PCDH15: variants seen among roughly 807,000 people sequenced by gnomAD.
PCDH15 encodes the protein protocadherin related 15, also known as protocadherin-15.
In PCDH15, 129 loss-of-function variants were observed where a neutral mutation model predicts 178.5. The ratio of observed to expected loss-of-function variants is 0.72; its 90% CI spans 0.63 to 0.84. PCDH15 has a LOEUF of 0.84. Among genes scored for constraint, PCDH15 ranks in the 40% least tolerant of loss-of-function variants. The pLI is 0.00. For missense variants in PCDH15, 2,230 were observed against 2,099.9 expected (o/e 1.06, Z -1.21); for synonymous variants, 800 against 732.0 (o/e 1.09, Z -1.50).
chr10:55,294,348 G>T lies in PCDH15; in HGVS notation c.-156+25251C>A, dbSNP rs1204139002. ...TAATGCTCTGGATTGCTCACGGTTA[G>T]TTATGGTTATGTATAGCTAGGTGTT... On this transcript the variant is annotated intron_variant, in intron 1 of 5. Coordinates refer to the PCDH15 transcript ENST00000458638. Among the ~76,000 whole-genome samples the T allele has an allele frequency of 3.9e-5, 6 of 152,282 alleles. No individual in the cohort carries two copies. In the Middle Eastern group the frequency reaches 0.01, roughly 259 times the overall value.
intron 2 of PCDH15, among the ~76,000 whole-genome samples, chr10:54,531,920 G>GA (rs1406496090): frequency 6.6e-6 from 1 of 152,022 alleles, no homozygotes; most frequent in African/African-American, 2.4e-5. Context: ...GCATAATTCT[G>GA]CACCAAGCCA....
chr10:54,558,840 C>T (rs2087662886), intron 2 of PCDH15, among the ~76,000 whole-genome samples: 1 of 152,022 alleles, frequency 6.6e-6, no homozygotes, highest in Admixed American at 6.6e-5. Context: ...AAAGACCCCA[C>T]TTCTATTTTT....
At chr10:55,356,709 A>G (rs1845089467) in intron 2 of PCDH15, among the ~76,000 whole-genome samples, 1 of 151,806 alleles carries the variant, frequency 6.6e-6, no homozygotes, top group African/African-American at 2.4e-5. Flanking sequence ...TTTATTAACC[A>G]ATTTAGTTGT....
At chr10:54,391,599 A>C (rs10763105) in intron 3 of PCDH15, among the ~76,000 whole-genome samples, 127,845 of 150,952 alleles carry the variant, frequency 0.85, 54,371 homozygotes, top group East Asian at 0.99. Flanking sequence ...AAAAAAAAAA[A>C]CAACATAATC....
chr10:53,827,647 C>T lies in PCDH15; in HGVS notation c.4212-99G>A, dbSNP rs1234068209. 6.5e-6 allele frequency: 9 copies of T among 1,378,822 alleles called. No homozygotes were observed. In the Admixed American group the frequency reaches 1.7e-4, roughly 26 times the overall value. 85.4% of individuals were successfully genotyped at this position (1,378,822 alleles called of 1,614,324 possible). A position where few individuals can be genotyped will look rare whatever the true frequency, so the allele number is the denominator to read the frequency against. ...TAATGGGGTCCAGTTATCAGGGGAACCCACTAAAATTATTTTACACAAACA... is the reference window on the plus strand; with the variant it reads ...TAATGGGGTCCAGTTATCAGGGGAATCCACTAAAATTATTTTACACAAACA... On this transcript the variant is annotated intron_variant, in intron 31 of 37. Transcript: ENST00000644397.
chr10:53,910,717 G>A (rs966785772), intron 25 of PCDH15, among the ~76,000 whole-genome samples: 8 of 152,086 alleles, frequency 5.3e-5, no homozygotes, highest in African/African-American at 1.4e-4. Context: ...AAACTTGTCC[G>A]AGCTAAAGAA....
chr10:54,403,812 A>C (rs181675322), intron 3 of PCDH15, among the ~76,000 whole-genome samples: 1 of 151,804 alleles, frequency 6.6e-6, no homozygotes, highest in East Asian at 1.9e-4. Flanking sequence ...CAAGGATCCA[A>C]ATCAGGAAAT....
Position 53,822,989 on chromosome 10 carries a change from G to GCTGACTGAC in PCDH15, c.4368-2768_4368-2760dup, listed in dbSNP as rs2076402324. On this transcript the variant is annotated intron_variant, in intron 32 of 37. Coordinates refer to ENST00000644397, the MANE Select transcript of PCDH15 (RefSeq NM_001384140.1). Reference sequence around the variant, plus strand: ...CTTTCCTCATCAGCCTCCTGGGTAAGCTGACTGACTGACTCCACAGCCTCT... The same window carrying GCTGACTGAC: ...CTTTCCTCATCAGCCTCCTGGGTAAGCTGACTGACCTGACTGACTGACTCCACAGCCTCT... The GCTGACTGAC allele has an allele frequency of 6.2e-7, 1 of 1,614,036 alleles. No individual in the cohort carries two copies. Among genetic ancestry groups the GCTGACTGAC allele is most frequent in the Non-Finnish European group, 8.5e-7 (1 of 1,179,968 alleles).
chr10:54,019,881 T>A (rs1335459793), intron 20 of PCDH15, among the ~76,000 whole-genome samples: 1 of 152,070 alleles, frequency 6.6e-6, no homozygotes, highest in Non-Finnish European at 1.5e-5. Flanking sequence ...CCTGATGCTG[T>A]GGAATTTGAA....
chr10:55,386,067 A>AT (rs893737366), intron 2 of PCDH15, among the ~76,000 whole-genome samples: 1 of 151,912 alleles, frequency 6.6e-6, no homozygotes, highest in Non-Finnish European at 1.5e-5. Flanking sequence ...TTCTAGCACC[A>AT]TAAGTCAAAT....
chr10:54,682,318 G>A (rs1233242587), intron 1 of PCDH15, among the ~76,000 whole-genome samples: 1 of 152,080 alleles, frequency 6.6e-6, no homozygotes, highest in African/African-American at 2.4e-5. Flanking sequence ...TTGGATAGTA[G>A]CAAGCAATGA....
At chr10:54,247,586 A>AT (rs1328902001) in intron 8 of PCDH15, among the ~76,000 whole-genome samples, 1 of 151,974 alleles carries the variant, frequency 6.6e-6, no homozygotes, top group Non-Finnish European at 1.5e-5. Context: ...TAATCTGGTC[A>AT]TAAGAGTGAA....
chr10:54,890,329 C>T, intron 3 of PCDH15, among the ~76,000 whole-genome samples: 1 of 151,846 alleles, frequency 6.6e-6, no homozygotes, highest in East Asian at 1.9e-4. Context: ...CCCTGGGATT[C>T]CAAAAATATT....
chr10:55,496,305 T>C (rs1289382361), intron 2 of PCDH15, among the ~76,000 whole-genome samples: 1 of 151,846 alleles, frequency 6.6e-6, no homozygotes, highest in Non-Finnish European at 1.5e-5. Flanking sequence ...TGCGTGTGCG[T>C]GCGCGTGCAC....
rs565882986 is a variant in PCDH15 at position 55,443,660 on chromosome 10, A to G, written c.-156+183965T>C. Among the ~76,000 whole-genome samples, 22 of 152,318 alleles carry G rather than the reference A, an allele frequency of 1.4e-4. No individual in the cohort carries two copies. The Middle Eastern group carries it at 0.01, about 71-fold the overall frequency. On this transcript the variant is annotated intron_variant, in intron 2 of 5. Coordinates refer to the PCDH15 transcript ENST00000613346. The stretch of plus-strand genomic sequence containing the variant: ...AAGATGCTGGAGAGAATGTGGAGAA[A>G]TAGGAACCATTTTACACTGTTGGTG...
upstream of PCDH15, among the ~76,000 whole-genome samples, chr10:55,324,186 T>G (rs1843974585): frequency 6.6e-6 from 1 of 152,128 alleles, no homozygotes; most frequent in African/African-American, 2.4e-5. Context: ...TTATTTCCTT[T>G]ACAAGTTACC....
chr10:54,892,447 C>CAGT (rs1197224832), intron 3 of PCDH15, among the ~76,000 whole-genome samples: 2 of 151,034 alleles, frequency 1.3e-5, no homozygotes, highest in Non-Finnish European at 3.0e-5. Context: ...AGAAGAAACA[C>CAGT]AGTATCTAGT....
Position 54,173,992 on chromosome 10 carries a change from A to G in PCDH15, c.1590+9452T>C, listed in dbSNP as rs535356893. Among the ~76,000 whole-genome samples, 58 of 152,334 alleles carry G rather than the reference A, an allele frequency of 3.8e-4. 2 individuals carry two copies. In the South Asian group the frequency reaches 0.012, roughly 31 times the overall value. On this transcript the variant is annotated intron_variant, in intron 13 of 37. Coordinates refer to ENST00000644397, the MANE Select transcript of PCDH15 (RefSeq NM_001384140.1). ...TCACTGTGGGAGCATCATAACAAATAAGAGAAAGATAAAATGCTAAGTGAA... is the reference window on the plus strand; with the variant it reads ...TCACTGTGGGAGCATCATAACAAATGAGAGAAAGATAAAATGCTAAGTGAA...
At chr10:55,110,165 G>T (rs1837463835) in intron 2 of PCDH15, among the ~76,000 whole-genome samples, 1 of 151,880 alleles carries the variant, frequency 6.6e-6, no homozygotes, top group Non-Finnish European at 1.5e-5. Flanking sequence ...GAGCCAATAA[G>T]ATGTAGGGAA....
Sources: allele counts gnomAD v4.1 joint callset (sites outside exome capture counted in the v4.1 genomes callset), GRCh38; gene constraint gnomAD v4.1.1; transcripts MANE v1.5; gene names NCBI Gene and HGNC (gene_info 2026-07-23, HGNC 2026-07-21).